The following UTS2 variants were observed in gnomAD, a reference collection of about 807,000 sequenced individuals.
UTS2 encodes the protein urotensin-2.
UTS2 carries 10 observed loss-of-function variants against 12.6 expected under a neutral mutation model. The ratio of observed to expected loss-of-function variants is 0.80; its 90% CI spans 0.49 to 1.35. The LOEUF (loss-of-function observed/expected upper bound fraction) is 1.35, where lower values mean the gene tolerates loss of function less well. Ranked by LOEUF, UTS2 falls within the 40% of genes most tolerant of loss-of-function variation. The probability of loss-of-function intolerance (pLI) is 0.00; values close to 1 mark genes in which losing one functional copy is unlikely to be tolerated. For missense variants in UTS2, 142 were observed against 143.2 expected (o/e 0.99, Z 0.04); for synonymous variants, 52 against 50.0 (o/e 1.04, Z -0.17).
chr1:7,857,143 G>GGAAGGAAC (rs766960072), upstream of UTS2, among the ~76,000 whole-genome samples: 1 of 151,508 alleles, frequency 6.6e-6, no homozygotes, highest in Non-Finnish European at 1.5e-5. Context: ...AAGGAAGGAA[G>GGAAGGAAC]GTGAAGCATG....
At chr1:7,901,353 T>C in the UTS2 span, among the ~76,000 whole-genome samples, 1 of 152,096 alleles carries the variant, frequency 6.6e-6, no homozygotes, top group Non-Finnish European at 1.5e-5. Context: ...TCATTAAATG[T>C]GGGTGGTGAA....
chr1:7,885,119 C>T, the UTS2 span, among the ~76,000 whole-genome samples: 3 of 142,720 alleles, frequency 2.1e-5, no homozygotes, highest in Non-Finnish European at 4.6e-5. Context: ...ATTCATCCAT[C>T]CACCCACCTA....
chr1:7,901,238 C>T, the UTS2 span, among the ~76,000 whole-genome samples: 1 of 152,168 alleles, frequency 6.6e-6, no homozygotes, highest in Non-Finnish European at 1.5e-5. Context: ...TGGAAGACTA[C>T]TGCAGTAATC....
At chr1:7,862,417 G>T in the UTS2 span, among the ~76,000 whole-genome samples, 1 of 151,406 alleles carries the variant, frequency 6.6e-6, no homozygotes, top group Non-Finnish European at 1.5e-5. Flanking sequence ...CAATTATTAG[G>T]TTGGTGCAAA....
chr1:7,882,981 C>T, the UTS2 span, among the ~76,000 whole-genome samples: 1 of 151,996 alleles, frequency 6.6e-6, no homozygotes, highest in Non-Finnish European at 1.5e-5. Flanking sequence ...ATTAGTGCAG[C>T]CATTATGGAA....
At chr1:7,861,819 T>C in the UTS2 span, among the ~76,000 whole-genome samples, 1 of 152,122 alleles carries the variant, frequency 6.6e-6, no homozygotes, top group African/African-American at 2.4e-5. Context: ...GAGGGCAAAC[T>C]CTGTTCATAT....
Position 7,852,933 on chromosome 1 carries a change from A to G in UTS2, c.71T>C (p.Leu24Pro), listed in dbSNP as rs999702097. ...TTGAAAGGATATTTCCCTGGAGTCA[A>G]GGAGAGGAAGAGATAAGAGAGGATT... ...FLNPLLSLPL[L>P]DSREISFQLS... is the part of the protein sequence containing the mutation. Residue 24 changes from leucine to proline, a missense_variant, in exon 1 of 4, where the codon CTT becomes CCT. Transcript: ENST00000361696. 6.2e-6 allele frequency: 10 copies of G among 1,612,800 alleles called. No homozygotes were observed. The highest frequency in any genetic ancestry group is 8.5e-6 in the Non-Finnish European group (10 of 1,179,540).
chr1:7,872,408 C>T, the UTS2 span, among the ~76,000 whole-genome samples: 3 of 150,902 alleles, frequency 2.0e-5, no homozygotes, highest in Non-Finnish European at 2.9e-5. Context: ...GCCTCTTGTA[C>T]CAGTTAGCCA....
chr1:7,857,944 A>G (rs1285794770), upstream of UTS2, among the ~76,000 whole-genome samples: 1 of 151,916 alleles, frequency 6.6e-6, no homozygotes, highest in Non-Finnish European at 1.5e-5. Context: ...TATGTAAAGC[A>G]CTCATGAAGT....
At chr1:7,849,573 A>T in intron 3 of UTS2, 67 bp downstream of exon 3, 2 of 1,388,858 alleles carry the variant, frequency 1.4e-6, no homozygotes, top group Non-Finnish European at 2.0e-6. Flanking sequence ...TCATGAATTC[A>T]GAGTCCTGTA....
upstream of UTS2, chr1:7,853,353 G>A: frequency 6.2e-7 from 1 of 1,614,104 alleles, no homozygotes. Context: ...GAGTTGAAGT[G>A]GCCAAAGCAA....
the UTS2 span, among the ~76,000 whole-genome samples, chr1:7,880,446 A>T: frequency 6.6e-6 from 1 of 151,926 alleles, no homozygotes; most frequent in Non-Finnish European, 1.5e-5. Flanking sequence ...GCGGCGAAGA[A>T]CACAAAAATA....
At chr1:7,867,748 T>C in the UTS2 span, among the ~76,000 whole-genome samples, 100,588 of 151,388 alleles carry the variant, frequency 0.66, 34,392 homozygotes, top group South Asian at 0.85. Context: ...TGGTGGTGGG[T>C]GCCTGTAATC....
the UTS2 span, among the ~76,000 whole-genome samples, chr1:7,897,274 G>A: frequency 6.6e-6 from 1 of 152,154 alleles, no homozygotes; most frequent in African/African-American, 2.4e-5. Context: ...TCCTTCTGCT[G>A]ATACCACACT....
At chr1:7,908,110 C>T in the UTS2 span, among the ~76,000 whole-genome samples, 2 of 151,854 alleles carry the variant, frequency 1.3e-5, no homozygotes, top group Admixed American at 6.6e-5. Context: ...ACCAGCCTGG[C>T]CAACATGACG....
At chr1:7,881,722 A>G in the UTS2 span, among the ~76,000 whole-genome samples, 2 of 152,220 alleles carry the variant, frequency 1.3e-5, no homozygotes, top group Admixed American at 1.3e-4. Context: ...CAATCTATAT[A>G]TTCAATGCAA....
the UTS2 span, among the ~76,000 whole-genome samples, chr1:7,910,356 A>G: frequency 2.8e-5 from 4 of 140,808 alleles, no homozygotes; most frequent in Admixed American, 1.5e-4. Context: ...GTAGGTCACC[A>G]GGCTCCCATT....
At chr1:7,864,877 C>T in the UTS2 span, among the ~76,000 whole-genome samples, 3 of 152,084 alleles carry the variant, frequency 2.0e-5, no homozygotes, top group African/African-American at 7.2e-5. Context: ...CCTCTTGGCC[C>T]CGATACCGTC....
At chr1:7,906,791 G>C in the UTS2 span, among the ~76,000 whole-genome samples, 1 of 152,158 alleles carries the variant, frequency 6.6e-6, no homozygotes. Flanking sequence ...GAAGGTCCAG[G>C]ATGCGAATTC....
Sources: allele counts gnomAD v4.1 joint callset (sites outside exome capture counted in the v4.1 genomes callset), GRCh38; gene constraint gnomAD v4.1.1; transcripts MANE v1.5; gene names NCBI Gene and HGNC (gene_info 2026-07-23, HGNC 2026-07-21).